Variants in GALNTL6 observed in about 807,000 individuals in gnomAD.
GALNTL6 encodes polypeptide N-acetylgalactosaminyltransferase like 6.
GALNTL6 carries 46 observed loss-of-function variants against 73.7 expected under a neutral mutation model. That is an observed-to-expected ratio of 0.62 (90% confidence interval 0.49 to 0.80). GALNTL6 has a LOEUF of 0.80. Among genes scored for constraint, GALNTL6 ranks in the 30% least tolerant of loss-of-function variants. The pLI is 0.00. For missense variants in GALNTL6, 604 were observed against 755.0 expected (o/e 0.80, Z 2.34); for synonymous variants, 259 against 263.7 (o/e 0.98, Z 0.17).
intron 3 of GALNTL6, among the ~76,000 whole-genome samples, chr4:172,301,484 C>T (rs959745029): frequency 1.3e-5 from 2 of 152,004 alleles, no homozygotes; most frequent in Non-Finnish European, 2.9e-5. Context: ...CTGTTTTTTC[C>T]CCATCTTTGT....
At chr4:172,656,631 T>A (rs1239605839) in intron 5 of GALNTL6, among the ~76,000 whole-genome samples, 1 of 152,200 alleles carries the variant, frequency 6.6e-6, no homozygotes. Flanking sequence ...TTTTACTGCT[T>A]TATTAAGCTG....
intron 2 of GALNTL6, among the ~76,000 whole-genome samples, chr4:171,910,571 T>TA (rs578038350): frequency 7.0e-4 from 104 of 147,702 alleles, no homozygotes; most frequent in Middle Eastern, 3.6e-3. Flanking sequence ...TCTACATTCT[T>TA]AAAAAAAAAA....
At chr4:172,122,972 T>C (rs998350599) in intron 2 of GALNTL6, among the ~76,000 whole-genome samples, 1 of 152,224 alleles carries the variant, frequency 6.6e-6, no homozygotes, top group African/African-American at 2.4e-5. Context: ...TTATAACAGG[T>C]GTTTTATAGC....
At chr4:172,578,813 G>T (rs1427688602) in intron 5 of GALNTL6, among the ~76,000 whole-genome samples, 2 of 152,220 alleles carry the variant, frequency 1.3e-5, no homozygotes, top group Admixed American at 1.3e-4. Context: ...CTCTATGGAT[G>T]TGGTTATTAG....
chr4:172,459,630 A>G (rs1420964492), intron 5 of GALNTL6, among the ~76,000 whole-genome samples: 1 of 152,206 alleles, frequency 6.6e-6, no homozygotes, highest in Admixed American at 6.5e-5. Flanking sequence ...CAAAGAGAAT[A>G]AAATACCTAG....
chr4:172,974,824 A>G (rs1343419530), intron 10 of GALNTL6, among the ~76,000 whole-genome samples: 1 of 152,218 alleles, frequency 6.6e-6, no homozygotes, highest in African/African-American at 2.4e-5. Flanking sequence ...AGCTCCAGGC[A>G]CCGGCACGGA....
intron 3 of GALNTL6, among the ~76,000 whole-genome samples, chr4:172,288,282 G>A (rs552319912): frequency 2.6e-5 from 4 of 151,912 alleles, no homozygotes; most frequent in Non-Finnish European, 4.4e-5. Context: ...TAGTAGAGAC[G>A]GGGTTTCACT....
Position 172,058,187 on chromosome 4 carries a change from C to T in GALNTL6, c.139-171469C>T, listed in dbSNP as rs948235843. ...CAGTGCCCAAGCTGGTCTCAAACTCCTGGGCTCAAGTGATCTTCCTGTCTC... is the reference window on the plus strand; with the variant it reads ...CAGTGCCCAAGCTGGTCTCAAACTCTTGGGCTCAAGTGATCTTCCTGTCTC... On this transcript the variant is annotated intron_variant, in intron 2 of 12. Transcript: ENST00000506823. Among the ~76,000 whole-genome samples, 94 of 151,638 alleles carry T rather than the reference C, an allele frequency of 6.2e-4. 1 individual carries two copies. The highest frequency in any genetic ancestry group is 2.2e-3 in the African/African-American group (91 of 41,194).
At chr4:171,976,863 G>GA (rs1378678362) in intron 2 of GALNTL6, among the ~76,000 whole-genome samples, 1 of 152,150 alleles carries the variant, frequency 6.6e-6, no homozygotes, top group African/African-American at 2.4e-5. Flanking sequence ...AAGAATACAA[G>GA]AAAAATGTTC....
intron 5 of GALNTL6, among the ~76,000 whole-genome samples, chr4:172,669,774 A>G (rs1458461396): frequency 6.6e-6 from 1 of 151,588 alleles, no homozygotes; most frequent in Non-Finnish European, 1.5e-5. Flanking sequence ...TCAGGTATGA[A>G]GCCTAGAACC....
chr4:171,837,614 G>A (rs1449742366), intron 2 of GALNTL6, among the ~76,000 whole-genome samples: 2 of 145,362 alleles, frequency 1.4e-5, no homozygotes, highest in Non-Finnish European at 3.0e-5. Context: ...AATAGTAATT[G>A]ATATATAATG....
At chr4:172,343,768 T>A (rs1741649065) in intron 4 of GALNTL6, among the ~76,000 whole-genome samples, 1 of 152,118 alleles carries the variant, frequency 6.6e-6, no homozygotes, top group Admixed American at 6.6e-5. Context: ...TAGCAGAATG[T>A]TTACAAAATA....
intron 5 of GALNTL6, among the ~76,000 whole-genome samples, chr4:172,718,207 A>T (rs528045873): frequency 6.6e-6 from 1 of 152,250 alleles, no homozygotes; most frequent in Non-Finnish European, 1.5e-5. Context: ...CGTTATGATG[A>T]TTCATGACTT....
chr4:173,010,573 GT>G (rs1036566413), intron 11 of GALNTL6, among the ~76,000 whole-genome samples: 2 of 150,834 alleles, frequency 1.3e-5, no homozygotes, highest in Non-Finnish European at 3.0e-5. Flanking sequence ...TTTTTAGTGT[GT>G]TTTTTTTGTT....
At chr4:172,771,153 A>C (rs1738738002) in intron 5 of GALNTL6, among the ~76,000 whole-genome samples, 1 of 152,232 alleles carries the variant, frequency 6.6e-6, no homozygotes, top group Non-Finnish European at 1.5e-5. Flanking sequence ...GCAACTGTGC[A>C]CAATTTATTT....
intron 5 of GALNTL6, among the ~76,000 whole-genome samples, chr4:172,514,021 G>A (rs1199031264): frequency 6.6e-6 from 1 of 152,100 alleles, no homozygotes; most frequent in African/African-American, 2.4e-5. Context: ...TTGCTGTAAT[G>A]GCTTGAGTTG....
intron 5 of GALNTL6, among the ~76,000 whole-genome samples, chr4:172,434,868 A>G (rs771774372): frequency 3.3e-5 from 5 of 152,072 alleles, no homozygotes; most frequent in Non-Finnish European, 7.4e-5. Context: ...ATCATATTCC[A>G]TAGTCTTTAT....
intron 2 of GALNTL6, among the ~76,000 whole-genome samples, chr4:171,970,296 T>A (rs894926112): frequency 6.6e-6 from 1 of 152,210 alleles, no homozygotes; most frequent in Non-Finnish European, 1.5e-5. Context: ...TAAGTTGATC[T>A]TCTCCATCAG....
chr4:172,684,840 T>C (rs970215701), intron 5 of GALNTL6, among the ~76,000 whole-genome samples: 3 of 152,214 alleles, frequency 2.0e-5, no homozygotes, highest in African/African-American at 7.2e-5. Flanking sequence ...GCATCTGAAA[T>C]GATTTCATTC....
Sources: gnomAD v4.1 joint callset for allele counts (sites outside exome capture counted in the v4.1 genomes callset) on GRCh38, gnomAD v4.1.1 for gene constraint, MANE v1.5 for transcripts, NCBI Gene and HGNC (gene_info 2026-07-23, HGNC 2026-07-21) for gene names.